Variants in SLFN14 observed in about 807,000 individuals in gnomAD.
SLFN14 encodes schlafen family member 14.
SLFN14 carries 47 observed loss-of-function variants against 58.6 expected under a neutral mutation model. The ratio of observed to expected loss-of-function variants is 0.80; its 90% CI spans 0.64 to 1.02. SLFN14 has a LOEUF of 1.02. Ranked by LOEUF, SLFN14 falls within the 50% of genes least tolerant of loss-of-function variation. SLFN14 has a pLI of 0.00. For synonymous variants in SLFN14, 390 were observed against 387.3 expected, an observed-to-expected ratio of 1.01 and a Z score of -0.08; for missense variants, 967 against 1,078.4, an observed-to-expected ratio of 0.90 and a Z score of 1.45.
chr17:35,547,350 T>A lies in SLFN14; in HGVS notation c.*889A>T, dbSNP rs7210888. The stretch of plus-strand genomic sequence containing the variant: ...AAGTTGGTGCAAAAGTAATTGTGGC[T>A]TTTGCACTTTTGCACCAACCTAATA... On this transcript the variant is annotated 3_prime_UTR_variant, in exon 6 of 6. Transcript: ENST00000674182. 0.092 allele frequency among the ~76,000 whole-genome samples: 14,060 copies of A among 152,222 alleles called. 1,278 individuals carry two copies. The highest frequency in any genetic ancestry group is 0.23 in the African/African-American group (9,691 of 41,500).
rs988687844 is a variant in SLFN14 at position 35,544,099 on chromosome 17, T to C, written c.*4140A>G. On this transcript the variant is annotated 3_prime_UTR_variant, in exon 6 of 6. Transcript: ENST00000674182. ...CTCCAGGCCATGAGTTGAGTTCAAG[T>C]TGGATTCACATATCTCAGTGGCTGG... is the stretch of plus-strand genomic sequence containing the variant. Among the ~76,000 whole-genome samples the C allele has an allele frequency of 2.6e-5, 4 of 152,208 alleles. No individual in the cohort carries two copies. Among genetic ancestry groups the C allele is most frequent in the Non-Finnish European group, 4.4e-5 (3 of 68,032 alleles).
In SLFN14 at chr17:35,546,578, A is replaced by C. The variant is rs1567704754; in HGVS notation, c.*1661T>G. Among the ~76,000 whole-genome samples, 1 of 152,242 alleles carries C rather than the reference A, an allele frequency of 6.6e-6. No individual in the cohort carries two copies. Among genetic ancestry groups the C allele is most frequent in the Non-Finnish European group, 1.5e-5 (1 of 68,046 alleles). ...ATCCTAAACTTTTCTAGAAGTTAAA[A>C]ACAGTTTGGAAATATGAATACTTCC... On this transcript the variant is annotated 3_prime_UTR_variant, in exon 6 of 6. Coordinates refer to ENST00000674182, the MANE Select transcript of SLFN14 (RefSeq NM_001129820.2).
chr17:35,558,225 A>G (rs745995201), intron 2 of SLFN14, 119 bp from the exon 3 acceptor site: 1 of 700,940 alleles, frequency 1.4e-6, no homozygotes, highest in Non-Finnish European at 2.3e-6. Flanking sequence ...ATCTCTCTCT[A>G]TATGTATATT....
intron 3 of SLFN14, among the ~76,000 whole-genome samples, chr17:35,555,561 A>G (rs1245244390): frequency 1.3e-5 from 2 of 152,060 alleles, no homozygotes; most frequent in African/African-American, 4.8e-5. Context: ...CAAAAAAAAA[A>G]AAAAATGTTG....
Position 35,557,229 on chromosome 17 carries a change from C to T in SLFN14, c.834G>A (p.Leu278=). The part of the protein sequence containing the change: ...KKEIENCIEK[L]PTFHFCCEKP... The stretch of plus-strand genomic sequence containing the variant: ...TCTCACAGCAGAAGTGGAATGTAGG[C>T]AATTTTTCTATGCAGTTTTCGATTT... Residue 278 remains leucine (L), a synonymous_variant, in exon 3 of 6, where the codon TTG becomes TTA. Coordinates refer to ENST00000674182, the MANE Select transcript of SLFN14 (RefSeq NM_001129820.2). 6.4e-7 allele frequency: 1 copy of T among 1,551,710 alleles called. No homozygotes were observed. Among genetic ancestry groups the T allele is most frequent in the Non-Finnish European group, 8.7e-7 (1 of 1,146,990 alleles).
Position 35,548,096 on chromosome 17 carries a change from G to C in SLFN14, c.*143C>G. On this transcript the variant is annotated 3_prime_UTR_variant, in exon 6 of 6. Transcript: ENST00000674182. ...GCATTGAAATAGAGTGGAAGGCTCA[G>C]CTCCAAGAGACATTTCTGTGGCTCC... The C allele has an allele frequency of 2.5e-6, 2 of 792,578 alleles. No individual in the cohort carries two copies. Among genetic ancestry groups the C allele is most frequent in the Non-Finnish European group, 3.9e-6 (2 of 512,140 alleles). The allele number at this position is 792,578 out of a possible 1,614,324, so 49.1% of individuals were successfully genotyped here. A position where few individuals can be genotyped will look rare whatever the true frequency, so the allele number is the denominator to read the frequency against.
At position 35,544,876 on chromosome 17, in the gene SLFN14, T is replaced by C. The variant is rs536203122; in HGVS notation, c.*3363A>G. Reference sequence around the variant, plus strand: ...CCTTTCTCCATTTCCGAAGCTTCCATGATAATATTATATTACCCTTCTTTT... The same window carrying C: ...CCTTTCTCCATTTCCGAAGCTTCCACGATAATATTATATTACCCTTCTTTT... On this transcript the variant is annotated 3_prime_UTR_variant, in exon 6 of 6. Coordinates refer to ENST00000674182, the MANE Select transcript of SLFN14 (RefSeq NM_001129820.2). Among the ~76,000 whole-genome samples the C allele has an allele frequency of 6.6e-6, 1 of 152,302 alleles. No individual in the cohort carries two copies. Among genetic ancestry groups the C allele is most frequent in the East Asian group, 1.9e-4 (1 of 5,192 alleles).
chr17:35,552,664 A>AT (rs66790731), intron 5 of SLFN14, 66 bp downstream of exon 5: 11 of 754,428 alleles, frequency 1.5e-5, no homozygotes, highest in Non-Finnish European at 1.9e-5. Context: ...ATATATACAC[A>AT]TATATATACA....
At position 35,557,913 on chromosome 17, in the gene SLFN14, A is replaced by C. The variant is rs1234971895; in HGVS notation, c.150T>G (p.Cys50Trp). The C allele has an allele frequency of 3.9e-6, 6 of 1,551,722 alleles. No homozygotes were observed. Among genetic ancestry groups the C allele is most frequent in the Middle Eastern group, 1.7e-4 (1 of 5,992 alleles). Residue 50 changes from cysteine to tryptophan, a missense_variant, in exon 3 of 6, where the codon TGT (cysteine) becomes TGG (tryptophan). Transcript: ENST00000674182. ...CACCACCTCCAGAATTTAACAGTGC[A>C]CATATAGCCCGGATAATTCTAGAAT... ...SENSRIIRAI[C>W]ALLNSGGGVI...
rs1567711567 is a variant in SLFN14 at position 35,552,661 on chromosome 17, C to CATATATATAT, written c.1904+68_1904+69insATATATATAT. ...ACATATATATATACACATATATATA[C>CATATATATAT]ACATATATATACACATATATATATA... On this transcript the variant is annotated intron_variant, in intron 5 of 5. Transcript: ENST00000674182. 1.7e-3 allele frequency: 1,123 copies of CATATATATAT among 656,690 alleles called. 22 individuals are homozygous for CATATATATAT. The African/African-American group carries it at 0.017, about 10-fold the overall frequency. 40.7% of individuals were successfully genotyped at this position (656,690 alleles called of 1,614,324 possible). A position where few individuals can be genotyped will look rare whatever the true frequency, so the allele number is the denominator to read the frequency against.
chr17:35,559,677 C>G (rs924567301), intron 2 of SLFN14, among the ~76,000 whole-genome samples, 50 bp downstream of exon 2: 5 of 152,176 alleles, frequency 3.3e-5, no homozygotes, highest in African/African-American at 7.2e-5. Flanking sequence ...ACCCATCTTT[C>G]TGTGTGATCT....
chr17:35,550,061 C>T (rs2072571061), intron 5 of SLFN14, among the ~76,000 whole-genome samples: 1 of 152,176 alleles, frequency 6.6e-6, no homozygotes, highest in South Asian at 2.1e-4. Flanking sequence ...CTGCTGTATA[C>T]CCACAGTCTG....
chr17:35,544,038 A>T lies in SLFN14; in HGVS notation c.*4201T>A, dbSNP rs923908962. Among the ~76,000 whole-genome samples, 10 of 152,334 alleles carry T rather than the reference A, an allele frequency of 6.6e-5. 1 individual carries two copies. The South Asian group carries it at 2.1e-3, about 32-fold the overall frequency. ...ATTCATGCACTTTCAGATCAGCTGGATTTTGGCTAAGCTAGTTAGGACTGG... is the reference window on the plus strand; with the variant it reads ...ATTCATGCACTTTCAGATCAGCTGGTTTTTGGCTAAGCTAGTTAGGACTGG... On this transcript the variant is annotated 3_prime_UTR_variant, in exon 6 of 6. Transcript: ENST00000674182.
intron 2 of SLFN14, among the ~76,000 whole-genome samples, chr17:35,559,067 AT>A (rs910540194): frequency 1.4e-5 from 2 of 146,486 alleles, no homozygotes; most frequent in African/African-American, 5.1e-5. Context: ...AAAAAAAAAA[AT>A]GTTAAACATT....
intron 5 of SLFN14, among the ~76,000 whole-genome samples, chr17:35,552,103 C>T (rs1324942647): frequency 6.6e-6 from 1 of 152,206 alleles, no homozygotes; most frequent in Non-Finnish European, 1.5e-5. Flanking sequence ...ACCCCTGGAC[C>T]GGCCTGCTAG....
Position 35,553,436 on chromosome 17 carries a change from C to G in SLFN14, c.1198G>C (p.Glu400Gln), listed in dbSNP as rs78192414. ...LQRHLFPVTQ[E>Q]EVQFKPESLC... ...GATTCTGGTTTAAATTGTACCTCTTCCTGTGTCACTGAAAATTCAAGGAAT... is the reference window on the plus strand; with the variant it reads ...GATTCTGGTTTAAATTGTACCTCTTGCTGTGTCACTGAAAATTCAAGGAAT... The change falls in exon 5 of 6, where the codon GAA becomes CAA. Residue 400 changes from glutamate (E) to glutamine (Q), a missense_variant. Transcript: ENST00000674182. 0.035 allele frequency: 53,994 copies of G among 1,534,018 alleles called. 1,943 individuals are homozygous for G. Among genetic ancestry groups the G allele is most frequent in the African/African-American group, 0.17 (11,973 of 72,312 alleles).
intron 3 of SLFN14, among the ~76,000 whole-genome samples, chr17:35,556,525 C>T: frequency 6.6e-6 from 1 of 152,150 alleles, no homozygotes; most frequent in South Asian, 2.1e-4. Context: ...GTGGCTCACA[C>T]CTGTAATCCC....
Position 35,557,662 on chromosome 17 carries a change from T to A in SLFN14, c.401A>T (p.Asp134Val). Residue 134 changes from aspartate (D) to valine (V), a missense_variant, in exon 3 of 6, where the codon GAT becomes GTT. Physicochemically the swap from Asp to Val is radical, Grantham distance 152 (BLOSUM62 -3). Coordinates refer to ENST00000674182, the MANE Select transcript of SLFN14 (RefSeq NM_001129820.2). ...ACTCAAGTTGATAGCAGAAGTCACA[T>A]CTCTCCGATACAAATTGGAGCGCAA... ...CSLRSNLYRR[D>V]VTSAINLSAS... 1 of 1,551,686 alleles carries A rather than the reference T, an allele frequency of 6.4e-7. No individual in the cohort carries two copies. Among genetic ancestry groups the A allele is most frequent in the South Asian group, 1.2e-5 (1 of 84,060 alleles).
rs1022098305 is a variant in SLFN14 at position 35,549,011 on chromosome 17, A to G, written c.1967T>C (p.Ile656Thr). ...KTFMQGEFLK[I>T]KHIVMDETEN... ...AGTCTCATCCATCACTATGTGTTTA[A>G]TCTTTAGAAACTCCCCTTGCATGAA... Residue 656 changes from isoleucine to threonine, a missense_variant, in exon 6 of 6, where the codon ATT becomes ACT. Ile to Thr is a moderately conservative substitution (Grantham distance 89). Transcript: ENST00000674182. The G allele has an allele frequency of 3.2e-6, 5 of 1,551,556 alleles. No homozygotes were observed. The African/African-American group carries it at 6.8e-5, about 21-fold the overall frequency.
Sources: gnomAD v4.1 joint callset for allele counts (sites outside exome capture counted in the v4.1 genomes callset) on GRCh38, gnomAD v4.1.1 for gene constraint, MANE v1.5 for transcripts, NCBI Gene and HGNC (gene_info 2026-07-23, HGNC 2026-07-21) for gene names.